Variants in CDS1 observed in about 807,000 individuals in gnomAD.
The protein encoded by CDS1 is phosphatidate cytidylyltransferase 1.
Under a neutral mutation model 62.1 loss-of-function variants are expected in CDS1, and 41 were observed. The observed-to-expected ratio is 0.66, with a 90% CI of 0.51 to 0.86. The LOEUF (loss-of-function observed/expected upper bound fraction) is 0.86, where lower values mean the gene tolerates loss of function less well. Ranked by LOEUF, CDS1 falls within the 40% of genes least tolerant of loss-of-function variation. The pLI, the probability that CDS1 is intolerant of heterozygous loss-of-function variation, is 0.00. For missense variants in CDS1, 470 were observed against 550.1 expected, an observed-to-expected ratio of 0.85 and a Z score of 1.46; for synonymous variants, 185 against 192.6, an observed-to-expected ratio of 0.96 and a Z score of 0.32.
At chr4:84,625,762 G>A (rs1405771226) in intron 5 of CDS1, among the ~76,000 whole-genome samples, 2 of 151,670 alleles carry the variant, frequency 1.3e-5, no homozygotes, top group Non-Finnish European at 2.9e-5. Context: ...AAATGAAGTA[G>A]GTTGGGAGAC....
chr4:84,612,095 A>G (rs185243981), intron 3 of CDS1, among the ~76,000 whole-genome samples: 161 of 151,194 alleles, frequency 1.1e-3, no homozygotes, highest in African/African-American at 3.7e-3. Flanking sequence ...ACTGTGAGCA[A>G]AGGTCCAAGT....
intron 3 of CDS1, among the ~76,000 whole-genome samples, chr4:84,611,998 C>CA (rs1723339212): frequency 6.6e-6 from 1 of 151,886 alleles, no homozygotes. Flanking sequence ...AAGAAGGGAC[C>CA]AAGTGAGAGC....
At chr4:84,601,959 G>A (rs538221545) in intron 1 of CDS1, among the ~76,000 whole-genome samples, 9 of 150,668 alleles carry the variant, frequency 6.0e-5, no homozygotes, top group African/African-American at 2.0e-4. Flanking sequence ...ACATACATAC[G>A]TACGTACATA....
In CDS1 at chr4:84,583,508, C is replaced by A; in HGVS notation, c.107C>A (p.Thr36Asn). 1 of 1,526,302 alleles carries A rather than the reference C, an allele frequency of 6.6e-7. No homozygotes were observed. Among genetic ancestry groups the A allele is most frequent in the Non-Finnish European group, 8.8e-7 (1 of 1,136,896 alleles). 94.5% of individuals were successfully genotyped at this position (1,526,302 alleles called of 1,614,324 possible). Reference protein sequence around the residue: ...AAGGDHETESTSDKETDIDDR... With the variant: ...AAGGDHETESNSDKETDIDDR... ...GGCGGCGACCACGAAACCGAGAGCA[C>A]CAGCGACAAAGTAAGTGGAGCCGAG... The change falls in exon 1 of 13, where the codon ACC becomes AAC. Residue 36 changes from threonine (T) to asparagine (N), a missense_variant. This residue lies in a region of CDS1 where 150 missense variants were observed against 142.0 expected (regional missense o/e 1.06). Coordinates refer to ENST00000295887, the MANE Select transcript of CDS1 (RefSeq NM_001263.4).
At chr4:84,610,055 A>G (rs1268844994) in intron 3 of CDS1, among the ~76,000 whole-genome samples, 1 of 152,198 alleles carries the variant, frequency 6.6e-6, no homozygotes, top group Non-Finnish European at 1.5e-5. Flanking sequence ...TAACATCAAC[A>G]TATGACTATT....
rs1049065603 is a variant in CDS1 at position 84,627,142 on chromosome 4, C to T, written c.581-4677C>T. Reference sequence around the variant, plus strand: ...TAGTTCTATTACAGTGGTCAAATGACTTCAGAAAATGTATGTCTTACCAGA... The same window carrying T: ...TAGTTCTATTACAGTGGTCAAATGATTTCAGAAAATGTATGTCTTACCAGA... On this transcript the variant is annotated intron_variant, in intron 5 of 12. Coordinates refer to ENST00000295887, the MANE Select transcript of CDS1 (RefSeq NM_001263.4). Among the ~76,000 whole-genome samples, 2 of 152,146 alleles carry T rather than the reference C, an allele frequency of 1.3e-5. 1 individual carries two copies. The highest frequency in any genetic ancestry group is 2.9e-5 in the Non-Finnish European group (2 of 68,026).
In CDS1 at chr4:84,609,488, T is replaced by C; in HGVS notation, c.305T>C (p.Leu102Pro). Reference protein sequence around the residue: ...LTLTMISLFFLIIYMGSFMLM... With the variant: ...LTLTMISLFFPIIYMGSFMLM... ...CTAACTATGATCTCGTTGTTTTTCC[T>C]GATCATCTATATGGGATCCTTCATG... Residue 102 changes from leucine (L) to proline (P), a missense_variant, in exon 3 of 13, where the codon CTG becomes CCG. This residue lies in a region of CDS1 where 150 missense variants were observed against 142.0 expected (regional missense o/e 1.06). Coordinates refer to ENST00000295887, the MANE Select transcript of CDS1 (RefSeq NM_001263.4). The C allele has an allele frequency of 6.2e-7, 1 of 1,610,552 alleles. No homozygotes were observed. The highest frequency in any genetic ancestry group is 8.5e-7 in the Non-Finnish European group (1 of 1,176,952).
intron 8 of CDS1, among the ~76,000 whole-genome samples, chr4:84,636,185 C>G (rs1724205119): frequency 6.6e-6 from 1 of 152,144 alleles, no homozygotes; most frequent in Admixed American, 6.5e-5. Context: ...CCCTCCTTTA[C>G]CAAACTTTCT....
intron 5 of CDS1, among the ~76,000 whole-genome samples, chr4:84,631,536 C>T: frequency 6.6e-6 from 1 of 152,052 alleles, no homozygotes. Context: ...ATCTGTTTTC[C>T]ATGCCCACAT....
chr4:84,593,057 G>A (rs1299600664), intron 1 of CDS1, among the ~76,000 whole-genome samples: 5 of 152,074 alleles, frequency 3.3e-5, no homozygotes, highest in Non-Finnish European at 7.4e-5. Flanking sequence ...AATTAGACTC[G>A]TCTTTCAAGG....
At chr4:84,609,991 C>G (rs1355976258) in intron 3 of CDS1, among the ~76,000 whole-genome samples, 1 of 150,388 alleles carries the variant, frequency 6.6e-6, no homozygotes, top group East Asian at 2.0e-4. Context: ...GCACTGCAGC[C>G]TGGGCAACAC....
chr4:84,642,326 CAAAA>C (rs1268824695), intron 10 of CDS1, among the ~76,000 whole-genome samples: 1 of 88,482 alleles, frequency 1.1e-5, no homozygotes, highest in Non-Finnish European at 2.3e-5. Flanking sequence ...AACTCTGCCT[CAAAA>C]AAAAAAAAAA....
intron 1 of CDS1, among the ~76,000 whole-genome samples, chr4:84,601,172 CAAA>C (rs59688950): frequency 1.0e-4 from 9 of 88,262 alleles, no homozygotes; most frequent in Non-Finnish European, 1.3e-4. Context: ...GACCCTGTCT[CAAA>C]AAAAAAAAAA....
chr4:84,592,245 G>A (rs995555212), intron 1 of CDS1, among the ~76,000 whole-genome samples: 3 of 130,586 alleles, frequency 2.3e-5, no homozygotes, highest in Admixed American at 1.9e-4. Context: ...GTCACTACAA[G>A]CTTCGCCTCC....
chr4:84,592,496 C>G (rs1382884071), intron 1 of CDS1, among the ~76,000 whole-genome samples: 1 of 152,016 alleles, frequency 6.6e-6, no homozygotes, highest in Non-Finnish European at 1.5e-5. Context: ...TTGATCATCC[C>G]TGAGATACAC....
chr4:84,606,596 T>C (rs1297847987), intron 2 of CDS1, among the ~76,000 whole-genome samples: 1 of 152,248 alleles, frequency 6.6e-6, no homozygotes, highest in Non-Finnish European at 1.5e-5. Context: ...CATTTTTCTT[T>C]GTAGTAACTT....
chr4:84,596,069 T>C (rs1175374853), intron 1 of CDS1, among the ~76,000 whole-genome samples: 1 of 152,028 alleles, frequency 6.6e-6, no homozygotes, highest in African/African-American at 2.4e-5. Flanking sequence ...CCCGATTCCA[T>C]TTGGGGATAG....
intron 1 of CDS1, among the ~76,000 whole-genome samples, chr4:84,589,252 A>C (rs1722509357): frequency 6.6e-6 from 1 of 152,228 alleles, no homozygotes; most frequent in South Asian, 2.1e-4. Flanking sequence ...TAGACTGTAG[A>C]TACTATTCAG....
At chr4:84,634,539 C>A (rs1724119082) in intron 7 of CDS1, among the ~76,000 whole-genome samples, 1 of 151,906 alleles carries the variant, frequency 6.6e-6, no homozygotes, top group South Asian at 2.1e-4. Flanking sequence ...CTGTATTTTT[C>A]CCCCACTCAT....
Sources: allele counts gnomAD v4.1 joint callset (sites outside exome capture counted in the v4.1 genomes callset), GRCh38; gene constraint gnomAD v4.1.1; regional missense constraint gnomAD v4.1.1; transcripts MANE v1.5; gene names NCBI Gene and HGNC (gene_info 2026-07-23, HGNC 2026-07-21).